CNTNAP2: variants seen among roughly 807,000 people sequenced by gnomAD.
CNTNAP2 encodes the protein contactin associated protein 2.
CNTNAP2 carries 98 observed loss-of-function variants against 155.2 expected under a neutral mutation model. The ratio of observed to expected loss-of-function variants is 0.63; its 90% confidence interval spans 0.54 to 0.75. The LOEUF is 0.75. Among genes scored for constraint, CNTNAP2 ranks in the 30% least tolerant of loss-of-function variants. The probability of loss-of-function intolerance (pLI) is 0.00; values close to 1 mark genes in which losing one functional copy is unlikely to be tolerated. For synonymous variants in CNTNAP2, 651 were observed against 631.2 expected, an observed-to-expected ratio of 1.03 and a Z score of -0.47; for missense variants, 1,727 against 1,688.1, an observed-to-expected ratio of 1.02 and a Z score of -0.40.
Position 148,417,451 on chromosome 7 carries a change from G to A in CNTNAP2, c.*1835G>A, listed in dbSNP as rs1419320548. ...ATCCTGATGCCCTTTTACCATTGCT[G>A]GTTGAGCTCAGGCACTGTCATGGAC... is the stretch of plus-strand genomic sequence containing the variant. On this transcript the variant is annotated 3_prime_UTR_variant, in exon 24 of 24. Transcript: ENST00000361727. 6.6e-6 allele frequency: 1 copy of A among 152,588 alleles called. No individual in the cohort carries two copies. The highest frequency in any genetic ancestry group is 6.5e-5 in the Admixed American group (1 of 15,280). The allele number at this position is 152,588 out of a possible 1,614,324, so 9.5% of individuals were successfully genotyped here. A position where few individuals can be genotyped will look rare whatever the true frequency, so the allele number is the denominator to read the frequency against.
chr7:146,263,321 C>A (rs1799948530), intron 1 of CNTNAP2, among the ~76,000 whole-genome samples: 1 of 150,772 alleles, frequency 6.6e-6, no homozygotes, highest in African/African-American at 2.5e-5. Flanking sequence ...AAATAAAAAG[C>A]CTCATGTTTA....
chr7:148,148,402 A>G (rs1046488480), intron 17 of CNTNAP2, among the ~76,000 whole-genome samples: 1 of 152,208 alleles, frequency 6.6e-6, no homozygotes, highest in Non-Finnish European at 1.5e-5. Flanking sequence ...TGAATTTTAA[A>G]TTTTGTTTTT....
At chr7:147,947,580 A>G (rs1189929544) in intron 14 of CNTNAP2, among the ~76,000 whole-genome samples, 1 of 151,922 alleles carries the variant, frequency 6.6e-6, no homozygotes, top group South Asian at 2.1e-4. Flanking sequence ...GCAGTGAGCT[A>G]TGATCGCTCA....
At chr7:146,422,293 G>A (rs1459413295) in intron 1 of CNTNAP2, among the ~76,000 whole-genome samples, 1 of 149,498 alleles carries the variant, frequency 6.7e-6, no homozygotes, top group African/African-American at 2.5e-5. Flanking sequence ...TTATTCTTAT[G>A]TAAGAATACA....
chr7:147,511,086 T>C (rs1288439480), intron 11 of CNTNAP2, among the ~76,000 whole-genome samples: 2 of 151,840 alleles, frequency 1.3e-5, no homozygotes, highest in Non-Finnish European at 2.9e-5. Flanking sequence ...GTCTGATTCA[T>C]ATATATATGT....
intron 8 of CNTNAP2, among the ~76,000 whole-genome samples, chr7:147,284,267 A>C (rs1805126482): frequency 6.6e-6 from 1 of 151,792 alleles, no homozygotes; most frequent in South Asian, 2.1e-4. Flanking sequence ...CATGAAAAGG[A>C]ATCTTGTAAT....
intron 8 of CNTNAP2, among the ~76,000 whole-genome samples, chr7:147,195,077 C>T (rs56298724): frequency 1.3e-5 from 2 of 151,960 alleles, no homozygotes; most frequent in African/African-American, 4.8e-5. Context: ...GTCTTTAATC[C>T]ATCTTGAGTT....
intron 13 of CNTNAP2, among the ~76,000 whole-genome samples, chr7:147,730,742 AG>A (rs913228442): frequency 2.0e-5 from 3 of 152,250 alleles, no homozygotes; most frequent in Non-Finnish European, 2.9e-5. Context: ...CATTAAGCTT[AG>A]TGAAGAAGGC....
At chr7:147,687,143 C>T (rs1161820574) in intron 13 of CNTNAP2, among the ~76,000 whole-genome samples, 3 of 152,032 alleles carry the variant, frequency 2.0e-5, no homozygotes, top group Non-Finnish European at 2.9e-5. Context: ...ATATGAACAA[C>T]TATTATCTAT....
At chr7:146,248,183 A>AGG (rs1323444644) in intron 1 of CNTNAP2, among the ~76,000 whole-genome samples, 12 of 152,038 alleles carry the variant, frequency 7.9e-5, no homozygotes, top group Non-Finnish European at 1.0e-4. Flanking sequence ...TGCGGAAATA[A>AGG]GGGATCGAGG....
intron 22 of CNTNAP2, among the ~76,000 whole-genome samples, chr7:148,404,121 A>C (rs1799648286): frequency 6.6e-6 from 1 of 152,226 alleles, no homozygotes; most frequent in Admixed American, 6.5e-5. Context: ...TATCAGAAGA[A>C]GCTACCGATG....
chr7:147,837,401 T>C (rs1321690153), intron 13 of CNTNAP2, among the ~76,000 whole-genome samples: 1 of 152,066 alleles, frequency 6.6e-6, no homozygotes, highest in African/African-American at 2.4e-5. Context: ...CCACAACACA[T>C]GGGAATTGTG....
chr7:146,668,835 T>C (rs1049798166), intron 1 of CNTNAP2, among the ~76,000 whole-genome samples: 1 of 152,076 alleles, frequency 6.6e-6, no homozygotes, highest in Non-Finnish European at 1.5e-5. Context: ...TATTATGTGG[T>C]ATTTGTTATG....
intron 22 of CNTNAP2, among the ~76,000 whole-genome samples, chr7:148,408,242 C>A (rs940479297): frequency 6.6e-6 from 1 of 152,100 alleles, no homozygotes; most frequent in Admixed American, 6.6e-5. Context: ...GAGTGAGACC[C>A]TTTCCCCACA....
intron 1 of CNTNAP2, among the ~76,000 whole-genome samples, chr7:146,399,271 A>C (rs1795679962): frequency 6.6e-6 from 1 of 152,178 alleles, no homozygotes; most frequent in South Asian, 2.1e-4. Flanking sequence ...TCTTGAACTT[A>C]TTCCCATTGT....
At chr7:147,065,770 T>C (rs1264286326) in intron 4 of CNTNAP2, among the ~76,000 whole-genome samples, 2 of 152,212 alleles carry the variant, frequency 1.3e-5, no homozygotes. Context: ...AAATGTAAGT[T>C]GCACAAAGCT....
chr7:146,424,039 GT>G, intron 1 of CNTNAP2, among the ~76,000 whole-genome samples: 1 of 152,072 alleles, frequency 6.6e-6, no homozygotes, highest in East Asian at 1.9e-4. Flanking sequence ...TTTAGTAACT[GT>G]TAGTTTTTTT....
At position 146,483,332 on chromosome 7, in the gene CNTNAP2, T is replaced by A. The variant is rs1169554415; in HGVS notation, c.98-290939T>A. Among the ~76,000 whole-genome samples, 62 of 115,266 alleles carry A rather than the reference T, an allele frequency of 5.4e-4. 1 individual carries two copies. The highest frequency in any genetic ancestry group is 2.9e-4 in the Non-Finnish European group (16 of 55,354). 75.6% of individuals were successfully genotyped at this position (115,266 alleles called of 152,430 possible). On this transcript the variant is annotated intron_variant, in intron 1 of 23. Coordinates refer to ENST00000361727, the MANE Select transcript of CNTNAP2 (RefSeq NM_014141.6). The stretch of plus-strand genomic sequence containing the variant: ...ATATATATATATATATATATATACA[T>A]ATATATATATTTAAGCACAGAGTTG...
chr7:147,476,086 TTTTA>T (rs1300695802), intron 10 of CNTNAP2, among the ~76,000 whole-genome samples: 8 of 151,928 alleles, frequency 5.3e-5, no homozygotes, highest in Admixed American at 2.0e-4. Context: ...CTCTGTTTAT[TTTTA>T]TTTTTTATTT....
Sources: allele counts gnomAD v4.1 joint callset (sites outside exome capture counted in the v4.1 genomes callset), GRCh38; gene constraint gnomAD v4.1.1; transcripts MANE v1.5; gene names NCBI Gene and HGNC (gene_info 2026-07-23, HGNC 2026-07-21).